Variants in RPTOR observed in about 807,000 individuals in gnomAD.
The protein encoded by RPTOR is regulatory associated protein of MTOR complex 1.
Under a neutral mutation model 169.9 loss-of-function variants are expected in RPTOR, and 21 were observed. The ratio of observed to expected loss-of-function variants is 0.12; its 90% CI spans 0.09 to 0.18. The LOEUF (loss-of-function observed/expected upper bound fraction) is 0.18, where lower values mean the gene tolerates loss of function less well. RPTOR is among the 10% of genes least tolerant of loss of function. RPTOR has a pLI of 1.00. For missense variants in RPTOR, 1,133 were observed against 1,855.9 expected, an observed-to-expected ratio of 0.61 and a Z score of 7.16; for synonymous variants, 732 against 753.2, an observed-to-expected ratio of 0.97 and a Z score of 0.46.
At position 80,651,535 on chromosome 17, in the gene RPTOR, A is replaced by AT. The variant is rs11421875; in HGVS notation, c.348+7732dup. 0.37 allele frequency among the ~76,000 whole-genome samples: 56,458 copies of AT among 151,908 alleles called. 11,528 individuals are homozygous for AT. The highest frequency in any genetic ancestry group is 0.56 in the African/African-American group (23,046 of 41,410). On this transcript the variant is annotated intron_variant, in intron 3 of 33. Transcript: ENST00000306801. The surrounding 1 kb of genome is among the most constrained non-coding windows in gnomAD (Gnocchi z 4.1). ...CTTGTTGGTATGACACATAATGGAG[A>AT]TTTTTTTAAAATGGACATACGAAGC...
In RPTOR at chr17:80,795,572, TTTTAA is replaced by T. The variant is rs1409748666; in HGVS notation, c.890+4069_890+4073del. Among the ~76,000 whole-genome samples the T allele has an allele frequency of 3.9e-5, 6 of 152,316 alleles. No individual in the cohort carries two copies. The East Asian group carries it at 9.6e-4, about 24-fold the overall frequency. On this transcript the variant is annotated intron_variant, in intron 7 of 33. Transcript: ENST00000306801. ...TAAATGCTAAAGGTTTATTTTTTTT[TTTTAA>T]TTTAAAAGAGACAATTAACTGTTAA... is the stretch of plus-strand genomic sequence containing the variant.
rs2066330620 is a variant in RPTOR, at chr17:80,726,060, G to A, written c.508-4500G>A. Among the ~76,000 whole-genome samples, 1 of 152,166 alleles carries A rather than the reference G, an allele frequency of 6.6e-6. No homozygotes were observed. ...GCACAGGGCAGCCCCACAAGGAGCGGCCCGGCCCCAAATGGCCCTGGTGCT... is the reference window on the plus strand; with the variant it reads ...GCACAGGGCAGCCCCACAAGGAGCGACCCGGCCCCAAATGGCCCTGGTGCT... On this transcript the variant is annotated intron_variant, in intron 4 of 33. Transcript: ENST00000306801. This position sits in a 1 kb window ranked among gnomAD's most constrained non-coding sequence, Gnocchi z 4.5.
intron 1 of RPTOR, among the ~76,000 whole-genome samples, chr17:80,549,910 A>G (rs1382719406): frequency 1.3e-5 from 2 of 152,198 alleles, no homozygotes; most frequent in Non-Finnish European, 2.9e-5. Flanking sequence ...CAGGCATCCT[A>G]TGTCTACATG....
rs1385695910 is a variant in RPTOR at position 80,609,115 on chromosome 17, C to T, written c.163-16576C>T. 2.6e-5 allele frequency among the ~76,000 whole-genome samples: 4 copies of T among 152,144 alleles called. No individual in the cohort carries two copies. Among genetic ancestry groups the T allele is most frequent in the South Asian group, 2.1e-4 (1 of 4,832 alleles). On this transcript the variant is annotated intron_variant, in intron 1 of 33. Coordinates refer to ENST00000306801, the MANE Select transcript of RPTOR (RefSeq NM_020761.3). The surrounding 1 kb of genome is among the most constrained non-coding windows in gnomAD (Gnocchi z 4.8). ...CCAGGGAAGCATGGAGAGCACAGCG[C>T]GACCCGTGTGGAGAGGGCATCACTA... is the stretch of plus-strand genomic sequence containing the variant.
At chr17:80,822,735 C>T (rs959333301) in intron 8 of RPTOR, among the ~76,000 whole-genome samples, 3 of 151,782 alleles carry the variant, frequency 2.0e-5, no homozygotes, top group Admixed American at 1.3e-4. Flanking sequence ...TATGCATACA[C>T]GTGTGTATAT....
rs1215815157 is a variant in RPTOR at position 80,845,378 on chromosome 17, A to T, written c.1213-1095A>T. On this transcript the variant is annotated intron_variant, in intron 10 of 33. Transcript: ENST00000306801. The surrounding 1 kb of genome is among the most constrained non-coding windows in gnomAD (Gnocchi z 5.4). The stretch of plus-strand genomic sequence containing the variant: ...CGCGCGCCTTCTCTGTCCAGCTGCA[A>T]CCCCTCCTCCCGCCCTCACCCCAGA... Among the ~76,000 whole-genome samples the T allele has an allele frequency of 6.6e-6, 1 of 151,214 alleles. No individual in the cohort carries two copies. The highest frequency in any genetic ancestry group is 2.4e-5 in the African/African-American group (1 of 41,094).
chr17:80,945,897 C>T (rs2069097491), intron 26 of RPTOR, 116 bp downstream of exon 26: 7 of 573,426 alleles, frequency 1.2e-5, no homozygotes, highest in Admixed American at 4.0e-5. Flanking sequence ...GCACTCACCC[C>T]GAGGCCCTTA....
chr17:80,598,000 G>T (rs571019516), intron 1 of RPTOR, among the ~76,000 whole-genome samples: 1 of 152,120 alleles, frequency 6.6e-6, no homozygotes, highest in East Asian at 1.9e-4. Flanking sequence ...ATATTAGCTG[G>T]GTGTGGTGGT....
chr17:80,672,624 A>G (rs866210019), intron 3 of RPTOR, among the ~76,000 whole-genome samples: 6 of 152,190 alleles, frequency 3.9e-5, no homozygotes, highest in Middle Eastern at 6.8e-3. Context: ...CCCTGTCTCT[A>G]CTAAAAACAG....
At chr17:80,828,904 G>A (rs999541420) in intron 9 of RPTOR, among the ~76,000 whole-genome samples, 1 of 152,160 alleles carries the variant, frequency 6.6e-6, no homozygotes, top group Non-Finnish European at 1.5e-5. Flanking sequence ...CAAAATATAT[G>A]TTAAATGAGA....
At chr17:80,614,260 G>A (rs1002450885) in intron 1 of RPTOR, among the ~76,000 whole-genome samples, 3 of 152,194 alleles carry the variant, frequency 2.0e-5, no homozygotes, top group African/African-American at 4.8e-5. Context: ...TGGCCTCCCC[G>A]AGAAGGGGGC....
chr17:80,925,687 T>C (rs2068803778), intron 24 of RPTOR, among the ~76,000 whole-genome samples: 1 of 152,168 alleles, frequency 6.6e-6, no homozygotes, highest in Admixed American at 6.5e-5. Flanking sequence ...CCTGCCTCGC[T>C]GGAGCTTCCC....
chr17:80,657,250 A>C (rs534277624), intron 3 of RPTOR, among the ~76,000 whole-genome samples: 30 of 152,280 alleles, frequency 2.0e-4, no homozygotes, highest in African/African-American at 7.0e-4. Flanking sequence ...TGGAGTCTAC[A>C]CTGATGGCAG....
intron 20 of RPTOR, among the ~76,000 whole-genome samples, chr17:80,902,317 G>GC (rs1221203812): frequency 6.6e-6 from 1 of 152,282 alleles, no homozygotes; most frequent in East Asian, 1.9e-4. Context: ...TCAGCCTCCT[G>GC]CCCCCCGTCT....
intron 6 of RPTOR, among the ~76,000 whole-genome samples, chr17:80,789,031 A>C (rs915229901): frequency 1.3e-5 from 2 of 152,260 alleles, no homozygotes; most frequent in African/African-American, 2.4e-5. Context: ...GCTTATTCAT[A>C]TAGCCATGCT....
chr17:80,591,006 T>C (rs896990385), intron 1 of RPTOR, among the ~76,000 whole-genome samples: 1 of 152,072 alleles, frequency 6.6e-6, no homozygotes, highest in Non-Finnish European at 1.5e-5. Flanking sequence ...TTTTGGTGAG[T>C]TGTGTTTTTC....
rs1323077114 is a variant in RPTOR at position 80,957,162 on chromosome 17, G to A, written c.3371-462G>A. Among the ~76,000 whole-genome samples, 9 of 57,940 alleles carry A rather than the reference G, an allele frequency of 1.6e-4. No homozygotes were observed. Among genetic ancestry groups the A allele is most frequent in the African/African-American group, 8.9e-4 (6 of 6,738 alleles). The allele number at this position is 57,940 out of a possible 152,430, so 38.0% of individuals were successfully genotyped here. A position where few individuals can be genotyped will look rare whatever the true frequency, so the allele number is the denominator to read the frequency against. ...AGTTCCAGCTTAGAATTGTCACCCC[G>A]GCCTGGACTTGGGAGTTCCAGCTTA... On this transcript the variant is annotated intron_variant, in intron 28 of 33. Coordinates refer to ENST00000306801, the MANE Select transcript of RPTOR (RefSeq NM_020761.3). This position sits in a 1 kb window ranked among gnomAD's most constrained non-coding sequence, Gnocchi z 4.6.
At chr17:80,638,050 C>G (rs1003206687) in intron 2 of RPTOR, among the ~76,000 whole-genome samples, 4 of 152,236 alleles carry the variant, frequency 2.6e-5, no homozygotes, top group Non-Finnish European at 5.9e-5. Flanking sequence ...CTCTTGCTTT[C>G]AAGGCACTGA....
chr17:80,789,116 A>G (rs778073651), intron 6 of RPTOR, among the ~76,000 whole-genome samples: 2 of 152,246 alleles, frequency 1.3e-5, no homozygotes, highest in Non-Finnish European at 2.9e-5. Flanking sequence ...AATTTATAAT[A>G]TGCTTATCTC....
Sources: allele counts gnomAD v4.1 joint callset (sites outside exome capture counted in the v4.1 genomes callset), GRCh38; gene constraint gnomAD v4.1.1; non-coding constraint Gnocchi (gnomAD v3.1); transcripts MANE v1.5; gene names NCBI Gene and HGNC (gene_info 2026-07-23, HGNC 2026-07-21).